PTGES3: variants seen among roughly 807,000 people sequenced by gnomAD.
PTGES3 encodes Hsp90 co-chaperone.
Under a neutral mutation model 29.9 loss-of-function variants are expected in PTGES3, and 5 were observed. The observed-to-expected ratio is 0.17, with a 90% confidence interval of 0.09 to 0.35. The LOEUF is 0.35. Ranked by LOEUF, PTGES3 falls within the 10% of genes least tolerant of loss-of-function variation. The pLI is 1.00. For synonymous variants in PTGES3, 49 were observed against 57.8 expected, an observed-to-expected ratio of 0.85 and a Z score of 0.69; for missense variants, 128 against 190.0, an observed-to-expected ratio of 0.67 and a Z score of 1.92.
At chr12:56,667,275 T>G (rs551149150) in intron 5 of PTGES3, among the ~76,000 whole-genome samples, 37 of 152,314 alleles carry the variant, frequency 2.4e-4, no homozygotes, top group African/African-American at 8.7e-4. Context: ...GATTTAAACT[T>G]AAACTATTAT....
At chr12:56,684,880 GCAAATGAGTAAAT>G (rs937324445) in intron 1 of PTGES3, among the ~76,000 whole-genome samples, 4 of 152,122 alleles carry the variant, frequency 2.6e-5, no homozygotes, top group Non-Finnish European at 5.9e-5. Context: ...TCGCTGAAGA[GCAAATGAGTAAAT>G]CAAATGAGAA....
At chr12:56,675,688 A>C (rs1439683245) in intron 1 of PTGES3, among the ~76,000 whole-genome samples, 1 of 152,134 alleles carries the variant, frequency 6.6e-6, no homozygotes, top group African/African-American at 2.4e-5. Flanking sequence ...TGGGAGGCTG[A>C]GATGGGTGCA....
chr12:56,671,243 CAAA>C (rs1951992371), intron 4 of PTGES3, among the ~76,000 whole-genome samples: 1 of 152,038 alleles, frequency 6.6e-6, no homozygotes, highest in Non-Finnish European at 1.5e-5. Flanking sequence ...ACAAAAAATA[CAAA>C]AATTAGCCAG....
At chr12:56,682,902 G>A (rs767257481) in intron 1 of PTGES3, among the ~76,000 whole-genome samples, 10 of 151,894 alleles carry the variant, frequency 6.6e-5, no homozygotes, top group Admixed American at 5.9e-4. Flanking sequence ...TCTGAGAGAG[G>A]AGAATCGCTT....
At chr12:56,668,377 A>G (rs1951865444) in intron 5 of PTGES3, among the ~76,000 whole-genome samples, 1 of 152,214 alleles carries the variant, frequency 6.6e-6, no homozygotes, top group Non-Finnish European at 1.5e-5. Context: ...TTCAAGAGAT[A>G]TGTAAGAGAT....
chr12:56,668,382 A>AG (rs1289242711), intron 5 of PTGES3, among the ~76,000 whole-genome samples: 17 of 152,354 alleles, frequency 1.1e-4, no homozygotes, highest in African/African-American at 4.1e-4. Context: ...GAGATATGTA[A>AG]GAGATAACAA....
intron 5 of PTGES3, among the ~76,000 whole-genome samples, chr12:56,667,680 G>A (rs1267881388): frequency 6.6e-6 from 1 of 152,224 alleles, no homozygotes; most frequent in African/African-American, 2.4e-5. Flanking sequence ...CAGGAGCTGG[G>A]GGGAAGGAAA....
intron 1 of PTGES3, among the ~76,000 whole-genome samples, chr12:56,676,920 CAAAA>C (rs34739170): frequency 0.048 from 2,428 of 50,310 alleles, 66 homozygotes; most frequent in African/African-American, 0.19. Context: ...GATTCCGACT[CAAAA>C]AAAAAAAAAA....
intron 4 of PTGES3, among the ~76,000 whole-genome samples, chr12:56,671,414 C>A (rs1182168307): frequency 6.6e-6 from 1 of 152,088 alleles, no homozygotes; most frequent in African/African-American, 2.4e-5. Context: ...AAAAAAAACA[C>A]TGAAAATTGT....
Position 56,672,992 on chromosome 12 carries a change from C to T in PTGES3, c.76G>A (p.Asp26Asn). Residue 26 changes from aspartate (D) to asparagine (N), a missense_variant, in exon 2 of 8, where the codon GAT (aspartate) becomes AAT (asparagine). Asp to Asn is a conservative substitution (Grantham distance 23). Transcript: ENST00000262033. ...FIEFCVEDSK[D>N]VNVNFEKSKL... The stretch of plus-strand genomic sequence containing the variant: ...GATTTTTCAAAATTTACATTAACAT[C>T]CTTACTGTCTTCAACACAAAATTCA... The T allele has an allele frequency of 1.2e-6, 2 of 1,608,846 alleles. No homozygotes were observed. The highest frequency in any genetic ancestry group is 1.7e-6 in the Non-Finnish European group (2 of 1,178,672).
intron 1 of PTGES3, chr12:56,687,686 T>A (rs1393721153): frequency 7.8e-7 from 1 of 1,289,696 alleles, no homozygotes; most frequent in African/African-American, 1.6e-5. Flanking sequence ...GGCGAGCAGC[T>A]ACCGGGAGCT....
At position 56,666,313 on chromosome 12, in the gene PTGES3, C is replaced by T. The variant is rs769061255; in HGVS notation, c.376-47G>A. The T allele has an allele frequency of 3.1e-6, 5 of 1,589,444 alleles. No individual in the cohort carries two copies. In the Admixed American group the frequency reaches 8.9e-5, roughly 28 times the overall value. On this transcript the variant is annotated intron_variant, in intron 5 of 7. Transcript: ENST00000262033. ...GTTTTAAAAATGATGTTAAGTTAGG[C>T]CCTAATTATTAATGCTGTATGCTTC...
chr12:56,667,802 T>C (rs763638829), intron 5 of PTGES3, among the ~76,000 whole-genome samples: 3 of 152,230 alleles, frequency 2.0e-5, no homozygotes, highest in South Asian at 2.1e-4. Flanking sequence ...TACTGTATCA[T>C]GCACTTAAAA....
At chr12:56,671,136 T>C (rs917666418) in intron 4 of PTGES3, among the ~76,000 whole-genome samples, 15 of 151,884 alleles carry the variant, frequency 9.9e-5, no homozygotes, top group South Asian at 2.1e-4. Flanking sequence ...TCGTGGCTCA[T>C]GCCTGTAGTC....
At chr12:56,687,116 G>T in intron 1 of PTGES3, 1 of 789,816 alleles carries the variant, frequency 1.3e-6, no homozygotes, top group Non-Finnish European at 1.7e-6. Context: ...CTTTATCATC[G>T]TAAAATGAAG....
chr12:56,687,850 C>T (rs771762671), intron 1 of PTGES3, 148 bp downstream of exon 1: 337 of 1,502,054 alleles, frequency 2.2e-4, no homozygotes, highest in Non-Finnish European at 2.9e-4. Flanking sequence ...CCAACGGTAA[C>T]CGGAACAAGG....
At chr12:56,664,628 T>A (rs934130781) in intron 7 of PTGES3, 130 bp from the exon 8 acceptor site, 4 of 1,366,040 alleles carry the variant, frequency 2.9e-6, no homozygotes, top group Non-Finnish European at 4.0e-6. Flanking sequence ...TGTCTTGCTA[T>A]CAAGTTATTC....
chr12:56,680,842 G>C (rs1210448895), intron 1 of PTGES3, among the ~76,000 whole-genome samples: 3 of 150,430 alleles, frequency 2.0e-5, no homozygotes, highest in South Asian at 4.2e-4. Context: ...GCTGTGGCGT[G>C]ATCTCAGCTC....
rs908761047 is a variant in PTGES3, at chr12:56,688,050, G to A, written c.-51C>T. The A allele has an allele frequency of 1.3e-6, 2 of 1,500,116 alleles. No individual in the cohort carries two copies. The highest frequency in any genetic ancestry group is 1.8e-6 in the Non-Finnish European group (2 of 1,123,802). The allele number at this position is 1,500,116 out of a possible 1,614,324, so 92.9% of individuals were successfully genotyped here. A position where few individuals can be genotyped will look rare whatever the true frequency, so the allele number is the denominator to read the frequency against. On this transcript the variant is annotated 5_prime_UTR_variant, in exon 1 of 8. Coordinates refer to ENST00000262033, the MANE Select transcript of PTGES3 (RefSeq NM_006601.7). The stretch of plus-strand genomic sequence containing the variant: ...AACTGGTGGGCGGGCCTCTCTGGCG[G>A]CGGCTGCTGCTAGGGAGTCGACTTC...
Sources: allele counts gnomAD v4.1 joint callset (sites outside exome capture counted in the v4.1 genomes callset), GRCh38; gene constraint gnomAD v4.1.1; transcripts MANE v1.5; gene names NCBI Gene and HGNC (gene_info 2026-07-23, HGNC 2026-07-21).